INPP1: variants seen among roughly 807,000 people sequenced by gnomAD.
The protein encoded by INPP1 is inositol polyphosphate-1-phosphatase.
In INPP1, 18 loss-of-function variants were observed where a neutral mutation model predicts 23.0. That is an observed-to-expected ratio of 0.78 (90% confidence interval 0.54 to 1.16). The LOEUF (loss-of-function observed/expected upper bound fraction) is 1.16. Among genes scored for constraint, INPP1 ranks in the 50% most tolerant of loss-of-function variants. INPP1 has a pLI of 0.00. For missense variants in INPP1, 448 were observed against 482.1 expected (o/e 0.93, Z 0.66); for synonymous variants, 164 against 176.3 (o/e 0.93, Z 0.55).
chr2:190,361,725 A>C (rs1330542553), intron 3 of INPP1, among the ~76,000 whole-genome samples: 4 of 152,192 alleles, frequency 2.6e-5, no homozygotes, highest in African/African-American at 4.8e-5. Context: ...ACTGGTCTTT[A>C]AGCAGGCTTG....
rs765867755 is a variant in INPP1, at chr2:190,371,035, G to A, written c.833G>A (p.Arg278His). 12 of 1,614,096 alleles carry A rather than the reference G, an allele frequency of 7.4e-6. No individual in the cohort carries two copies. The highest frequency in any genetic ancestry group is 4.0e-5 in the African/African-American group (3 of 74,940). ...GAGACTATCAAAGCTGCATTGTCAC[G>A]TGTGTGTGGAGATCGCATATTTGGG... ...EKETIKAALS[R>H]VCGDRIFGAA... is the part of the protein sequence containing the mutation. Residue 278 changes from arginine to histidine, a missense_variant, in exon 7 of 7, where the codon CGT becomes CAT. Arg to His is a conservative substitution (Grantham distance 29). Coordinates refer to ENST00000392329, the MANE Select transcript of INPP1 (RefSeq NM_001128928.2). This position sits in a 1 kb window ranked among gnomAD's most constrained non-coding sequence, Gnocchi z 5.3.
rs2124924676 is a variant in INPP1, at chr2:190,355,783, AC to A, written c.-64-4255del. Among the ~76,000 whole-genome samples the A allele has an allele frequency of 6.6e-6, 1 of 152,320 alleles. No homozygotes were observed. Among genetic ancestry groups the A allele is most frequent in the South Asian group, 2.1e-4 (1 of 4,828 alleles). ...AGGTGAATGATGAGTATGTAAACTT[AC>A]TTTTTAAAAAATCATCTACTTCATC... is the stretch of plus-strand genomic sequence containing the variant. On this transcript the variant is annotated intron_variant, in intron 2 of 6. Coordinates refer to ENST00000392329, the MANE Select transcript of INPP1 (RefSeq NM_001128928.2). The surrounding 1 kb of genome is among the most constrained non-coding windows in gnomAD (Gnocchi z 5.1).
At chr2:190,369,534 A>G (rs1161387853) in intron 6 of INPP1, among the ~76,000 whole-genome samples, 1 of 152,234 alleles carries the variant, frequency 6.6e-6, no homozygotes, top group African/African-American at 2.4e-5. Flanking sequence ...CATTTGGAAT[A>G]TAGTAATCCT....
chr2:190,353,406 T>C (rs2124921208), intron 2 of INPP1, among the ~76,000 whole-genome samples: 1 of 152,354 alleles, frequency 6.6e-6, no homozygotes, highest in Middle Eastern at 3.4e-3. Flanking sequence ...TTGCAAGTAG[T>C]TCCCAGGCTT....
chr2:190,362,047 T>G (rs1202364447), intron 3 of INPP1, among the ~76,000 whole-genome samples: 2 of 152,214 alleles, frequency 1.3e-5, no homozygotes, highest in Admixed American at 1.3e-4. Flanking sequence ...ATTTATTCAC[T>G]CTATATATTG....
chr2:190,371,044 G>T lies in INPP1; in HGVS notation c.842G>T (p.Gly281Val), dbSNP rs1172074538. The T allele has an allele frequency of 1.9e-6, 3 of 1,613,930 alleles. No homozygotes were observed. In the African/African-American group the frequency reaches 4.0e-5, roughly 22 times the overall value. Residue 281 changes from glycine to valine, a missense_variant, in exon 7 of 7, where the codon GGA becomes GTA. Coordinates refer to ENST00000392329, the MANE Select transcript of INPP1 (RefSeq NM_001128928.2). The surrounding 1 kb of genome is among the most constrained non-coding windows in gnomAD (Gnocchi z 5.3). ...AAAGCTGCATTGTCACGTGTGTGTGGAGATCGCATATTTGGGGCAGCTGGG... is the reference window on the plus strand; with the variant it reads ...AAAGCTGCATTGTCACGTGTGTGTGTAGATCGCATATTTGGGGCAGCTGGG... ...TIKAALSRVC[G>V]DRIFGAAGAG...
chr2:190,363,924 G>T lies in INPP1; in HGVS notation c.265+1237G>T, dbSNP rs148374417. 3.0e-4 allele frequency among the ~76,000 whole-genome samples: 45 copies of T among 152,270 alleles called. No individual in the cohort carries two copies. The East Asian group carries it at 8.3e-3, about 28-fold the overall frequency. ...GAGGAGAGATGGTGATGATGATATTGCAGGCAAGACCAGATCATAGGAAGG... is the reference window on the plus strand; with the variant it reads ...GAGGAGAGATGGTGATGATGATATTTCAGGCAAGACCAGATCATAGGAAGG... On this transcript the variant is annotated intron_variant, in intron 4 of 6. Coordinates refer to ENST00000392329, the MANE Select transcript of INPP1 (RefSeq NM_001128928.2). The surrounding 1 kb of genome is among the most constrained non-coding windows in gnomAD (Gnocchi z 4.4).
At chr2:190,364,802 C>G (rs1689612507) in intron 4 of INPP1, among the ~76,000 whole-genome samples, 1 of 151,652 alleles carries the variant, frequency 6.6e-6, no homozygotes, top group Non-Finnish European at 1.5e-5. Context: ...AGGGGTTTCA[C>G]TATGTTGACC....
rs746018354 is a variant in INPP1, at chr2:190,371,367, G to T, written c.1165G>T (p.Val389Phe). Residue 389 changes from valine to phenylalanine, a missense_variant, in exon 7 of 7, where the codon GTC (valine) becomes TTC (phenylalanine). Physicochemically the swap from Val to Phe is conservative, Grantham distance 50. Transcript: ENST00000392329. The surrounding 1 kb of genome is among the most constrained non-coding windows in gnomAD (Gnocchi z 5.3). Reference sequence around the variant, plus strand: ...GCTGGAGACATTCCTGAGCCTCCTGGTCCAAAACCTGGCACCTGCAGAGAC... The same window carrying T: ...GCTGGAGACATTCCTGAGCCTCCTGTTCCAAAACCTGGCACCTGCAGAGAC... ...KRLETFLSLL[V>F]QNLAPAETHT 6.5e-7 allele frequency: 1 copy of T among 1,535,404 alleles called. No individual in the cohort carries two copies. Among genetic ancestry groups the T allele is most frequent in the Non-Finnish European group, 8.8e-7 (1 of 1,142,294 alleles).
chr2:190,347,452 A>G (rs1689240854), intron 1 of INPP1, among the ~76,000 whole-genome samples: 1 of 152,200 alleles, frequency 6.6e-6, no homozygotes, highest in Admixed American at 6.5e-5. Context: ...TAATTTGACA[A>G]GATGAGTTAC....
At position 190,366,275 on chromosome 2, in the gene INPP1, G is replaced by T. The variant is rs111209307; in HGVS notation, c.266-420G>T. 6.2e-3 allele frequency among the ~76,000 whole-genome samples: 829 copies of T among 133,146 alleles called. 12 individuals carry two copies. Among genetic ancestry groups the T allele is most frequent in the African/African-American group, 0.022 (798 of 35,706 alleles). 87.3% of individuals were successfully genotyped at this position (133,146 alleles called of 152,430 possible). The stretch of plus-strand genomic sequence containing the variant: ...TCCCTCTGTCTCTTTCACTCTTCCT[G>T]TCTCTCTCTCGCTCTCTGTCTCTCT... On this transcript the variant is annotated intron_variant, in intron 4 of 6. Transcript: ENST00000392329.
chr2:190,350,099 C>T (rs1689298073), intron 2 of INPP1, among the ~76,000 whole-genome samples: 1 of 152,216 alleles, frequency 6.6e-6, no homozygotes, highest in South Asian at 2.1e-4. Flanking sequence ...CCCACCTCAG[C>T]CTCCCAAAGT....
chr2:190,361,090 C>G (rs1169597360), intron 3 of INPP1, among the ~76,000 whole-genome samples: 2 of 151,964 alleles, frequency 1.3e-5, no homozygotes, highest in African/African-American at 4.8e-5. Flanking sequence ...TTATTTAGCT[C>G]TTATAACAAT....
chr2:190,349,906 G>A lies in INPP1; in HGVS notation c.-65+875G>A, dbSNP rs60000684. On this transcript the variant is annotated intron_variant, in intron 2 of 6. Transcript: ENST00000392329. The stretch of plus-strand genomic sequence containing the variant: ...GTCACCTAGGCTGGAGTGCAGTGGT[G>A]TGATCTTGGTTCACTGCAACCTCTG... 7.1e-3 allele frequency among the ~76,000 whole-genome samples: 1,076 copies of A among 152,348 alleles called. 17 individuals are homozygous for A. Among genetic ancestry groups the A allele is most frequent in the African/African-American group, 0.024 (995 of 41,572 alleles).
chr2:190,353,276 C>T (rs1689358183), intron 2 of INPP1, among the ~76,000 whole-genome samples: 1 of 152,190 alleles, frequency 6.6e-6, no homozygotes, highest in Non-Finnish European at 1.5e-5. Context: ...CATAGACTGT[C>T]TACCATGAAG....
At chr2:190,364,219 T>C (rs1689590438) in intron 4 of INPP1, among the ~76,000 whole-genome samples, 1 of 152,180 alleles carries the variant, frequency 6.6e-6, no homozygotes, top group African/African-American at 2.4e-5. Flanking sequence ...TTACTGGTCA[T>C]GTAATCGCCT....
chr2:190,344,383 A>T (rs1689177190), intron 1 of INPP1, among the ~76,000 whole-genome samples: 1 of 152,246 alleles, frequency 6.6e-6, no homozygotes, highest in Non-Finnish European at 1.5e-5. Context: ...TGCAACAGGT[A>T]GATGGCGCAG....
chr2:190,352,266 A>G lies in INPP1; in HGVS notation c.-65+3235A>G, dbSNP rs1689338461. On this transcript the variant is annotated intron_variant, in intron 2 of 6. Transcript: ENST00000392329. This position sits in a 1 kb window ranked among gnomAD's most constrained non-coding sequence, Gnocchi z 4.7. ...GAGAGCAAATGGATAGTGCAAAATC[A>G]GCTACTAAAAGGCTAAACTTAATCA... Among the ~76,000 whole-genome samples, 1 of 152,210 alleles carries G rather than the reference A, an allele frequency of 6.6e-6. No homozygotes were observed. The highest frequency in any genetic ancestry group is 1.5e-5 in the Non-Finnish European group (1 of 68,034).
At position 190,346,023 on chromosome 2, in the gene INPP1, A is replaced by C. The variant is rs1689208642; in HGVS notation, c.-209+2062A>C. ...AATAAAAATTAAGTTAAAATTAAAAAAATAAAAGTTCTGCTTCCCGTCTCC... is the reference window on the plus strand; with the variant it reads ...AATAAAAATTAAGTTAAAATTAAAACAATAAAAGTTCTGCTTCCCGTCTCC... On this transcript the variant is annotated intron_variant, in intron 1 of 6. Coordinates refer to ENST00000392329, the MANE Select transcript of INPP1 (RefSeq NM_001128928.2). This position sits in a 1 kb window ranked among gnomAD's most constrained non-coding sequence, Gnocchi z 5.1. Among the ~76,000 whole-genome samples, 1 of 152,136 alleles carries C rather than the reference A, an allele frequency of 6.6e-6. No homozygotes were observed. Among genetic ancestry groups the C allele is most frequent in the Non-Finnish European group, 1.5e-5 (1 of 68,020 alleles).
Sources: gnomAD v4.1 joint callset for allele counts (sites outside exome capture counted in the v4.1 genomes callset) on GRCh38, gnomAD v4.1.1 for gene constraint, Gnocchi (gnomAD v3.1) non-coding constraint, MANE v1.5 for transcripts, NCBI Gene and HGNC (gene_info 2026-07-23, HGNC 2026-07-21) for gene names.